Variants in TMEM272 observed in about 807,000 individuals in gnomAD.
The protein encoded by TMEM272 is long intergenic non-protein coding RNA 282.
Under a neutral mutation model 3.7 loss-of-function variants are expected in TMEM272, and 8 were observed. The ratio of observed to expected loss-of-function variants is 2.17; its 90% CI spans 1.27 to 3.91. TMEM272 has a LOEUF of 3.91. TMEM272 is among the 30% of genes most tolerant of loss of function. TMEM272 has a pLI of 0.00. For missense variants in TMEM272, 166 were observed against 91.5 expected (o/e 1.81, Z -3.32); for synonymous variants, 63 against 39.8 (o/e 1.58, Z -2.20).
the TMEM272 span, among the ~76,000 whole-genome samples, chr13:51,859,505 AACACACACACACACACAC>A: frequency 7.7e-6 from 1 of 129,868 alleles, no homozygotes; most frequent in Non-Finnish European, 1.6e-5. Flanking sequence ...CTCCCAACCA[AACACACACACACACACAC>A]ACACACACAC....
the TMEM272 span, among the ~76,000 whole-genome samples, chr13:51,873,006 A>C: frequency 6.6e-6 from 1 of 152,248 alleles, no homozygotes; most frequent in Non-Finnish European, 1.5e-5. Context: ...GAGATCCAAT[A>C]CAGTGGTCAG....
the TMEM272 span, chr13:51,865,800 C>T: frequency 1.9e-6 from 3 of 1,614,168 alleles, no homozygotes; most frequent in Non-Finnish European, 2.5e-6. Flanking sequence ...GAGGACAATG[C>T]CTTATGGGAA....
chr13:51,835,417 G>A (rs1358569421), intron 2 of TMEM272, among the ~76,000 whole-genome samples: 7 of 151,926 alleles, frequency 4.6e-5, no homozygotes, highest in Non-Finnish European at 7.4e-5. Context: ...TGCTAGAGAC[G>A]GGGTTTCACC....
chr13:51,904,406 A>C, the TMEM272 span, among the ~76,000 whole-genome samples: 3 of 152,184 alleles, frequency 2.0e-5, no homozygotes, highest in African/African-American at 7.2e-5. Flanking sequence ...GTTGTTGATG[A>C]TGATGATAAT....
the TMEM272 span, among the ~76,000 whole-genome samples, chr13:51,898,234 T>TAAATA: frequency 7.3e-5 from 11 of 150,780 alleles, no homozygotes; most frequent in African/African-American, 9.7e-5. Context: ...AATAAATAAA[T>TAAATA]AAATAAAATA....
chr13:51,909,717 C>A, the TMEM272 span: 2 of 1,548,976 alleles, frequency 1.3e-6, no homozygotes, highest in East Asian at 2.3e-5. Context: ...TAAGTAAGCA[C>A]CATCTTTCAA....
the TMEM272 span, among the ~76,000 whole-genome samples, chr13:51,896,958 C>T: frequency 2.0e-5 from 3 of 152,212 alleles, no homozygotes; most frequent in African/African-American, 7.2e-5. Flanking sequence ...AGTTAGTCTG[C>T]CGCAGTTCCA....
At chr13:51,919,590 GT>G in the TMEM272 span, among the ~76,000 whole-genome samples, 5 of 152,072 alleles carry the variant, frequency 3.3e-5, no homozygotes, top group Non-Finnish European at 7.3e-5. Flanking sequence ...TCAACACTGT[GT>G]TTTCCCCATA....
At chr13:51,921,937 T>C in the TMEM272 span, among the ~76,000 whole-genome samples, 2 of 152,152 alleles carry the variant, frequency 1.3e-5, no homozygotes, top group Non-Finnish European at 2.9e-5. Flanking sequence ...TGTGTGTGTG[T>C]TGGGGATATG....
chr13:51,859,977 G>A, the TMEM272 span, among the ~76,000 whole-genome samples: 32 of 151,670 alleles, frequency 2.1e-4, no homozygotes, highest in South Asian at 1.0e-3. Flanking sequence ...ACTGCAGCTC[G>A]ACCTCCTGCA....
At chr13:51,920,157 G>A in the TMEM272 span, among the ~76,000 whole-genome samples, 2 of 150,862 alleles carry the variant, frequency 1.3e-5, no homozygotes, top group Admixed American at 6.6e-5. Flanking sequence ...TCAGCAGAAA[G>A]ATGTGAGCTG....
the TMEM272 span, among the ~76,000 whole-genome samples, chr13:51,895,696 A>C: frequency 6.6e-6 from 1 of 151,792 alleles, no homozygotes; most frequent in East Asian, 1.9e-4. Context: ...ACATCCCCCC[A>C]CCCTCTGCCC....
chr13:51,916,354 A>G, the TMEM272 span, among the ~76,000 whole-genome samples: 10 of 152,164 alleles, frequency 6.6e-5, no homozygotes, highest in Admixed American at 5.9e-4. Flanking sequence ...TTTCTCCATG[A>G]AACAGCAGGA....
At chr13:51,931,637 C>CA in the TMEM272 span, among the ~76,000 whole-genome samples, 3 of 151,446 alleles carry the variant, frequency 2.0e-5, no homozygotes, top group Admixed American at 6.6e-5. Flanking sequence ...TAAAGTATAA[C>CA]AAAAAAAAGA....
chr13:51,843,906 AT>A (rs1302837361), intron 1 of TMEM272, among the ~76,000 whole-genome samples: 1 of 152,248 alleles, frequency 6.6e-6, no homozygotes, highest in Admixed American at 6.5e-5. Flanking sequence ...CAATTGATAT[AT>A]CTCAGTGGTT....
intron 4 of TMEM272, 58 bp from the exon 5 acceptor site, chr13:51,817,171 G>C: frequency 7.5e-6 from 5 of 667,520 alleles, no homozygotes; most frequent in South Asian, 6.5e-5. Context: ...GACGGGAAGA[G>C]AGGGGATAGA....
rs117410741 is a variant in TMEM272, at chr13:51,819,399, G to C, written c.202-2286C>G. Among the ~76,000 whole-genome samples the C allele has an allele frequency of 2.9e-3, 442 of 152,216 alleles. 3 individuals carry two copies. Among genetic ancestry groups the C allele is most frequent in the East Asian group, 0.022 (115 of 5,170 alleles). On this transcript the variant is annotated intron_variant, in intron 4 of 4. Transcript: ENST00000629372. ...TCACTCAGATGCATTTCCCTTCCTT[G>C]CAGGGCCCCATTCCTTGGAGGAATT...
chr13:51,866,191 G>C, the TMEM272 span: 1 of 940,890 alleles, frequency 1.1e-6, no homozygotes, highest in Non-Finnish European at 1.5e-6. Context: ...TCCTTGCTTT[G>C]AAAGATCCAA....
the TMEM272 span, among the ~76,000 whole-genome samples, chr13:51,853,595 C>T: frequency 4.1e-4 from 62 of 152,188 alleles, no homozygotes; most frequent in Admixed American, 1.4e-3. Flanking sequence ...TATAAGTGGA[C>T]CTCACTGTTC....
Sources: allele counts gnomAD v4.1 joint callset (sites outside exome capture counted in the v4.1 genomes callset), GRCh38; gene constraint gnomAD v4.1.1; transcripts MANE v1.5; gene names NCBI Gene and HGNC (gene_info 2026-07-23, HGNC 2026-07-21).